TTLL1: variants seen among roughly 807,000 people sequenced by gnomAD.
TTLL1 encodes the protein TTL family tubulin polyglutamylase complex subunit L1.
A neutral mutation model predicts 47.8 loss-of-function variants in TTLL1; 33 were observed. That is an observed-to-expected ratio of 0.69 (90% CI 0.52 to 0.92). The LOEUF (loss-of-function observed/expected upper bound fraction) is 0.92. Ranked by LOEUF, TTLL1 falls within the 40% of genes least tolerant of loss-of-function variation. The pLI is 0.00. For missense variants in TTLL1, 488 were observed against 547.5 expected, an observed-to-expected ratio of 0.89 and a Z score of 1.08; for synonymous variants, 225 against 214.1, an observed-to-expected ratio of 1.05 and a Z score of -0.45.
chr22:43,064,335 C>A lies in TTLL1; in HGVS notation c.504-11G>T. 6.2e-7 allele frequency: 1 copy of A among 1,603,162 alleles called. No homozygotes were observed. The highest frequency in any genetic ancestry group is 8.5e-7 in the Non-Finnish European group (1 of 1,175,694). On this transcript the variant is annotated splice_polypyrimidine_tract_variant and intron_variant, in intron 5 of 10. Transcript: ENST00000266254. ...GATTGAGACACAAACCTAAACATGG[C>A]AGAGAAAGTAAAAATTAGATGGTAA...
chr22:43,077,683 T>C (rs1928598500), intron 2 of TTLL1, among the ~76,000 whole-genome samples: 1 of 152,158 alleles, frequency 6.6e-6, no homozygotes, highest in African/African-American at 2.4e-5. Context: ...GTTTTCAAAC[T>C]GCTCAGGCAG....
chr22:43,066,158 C>CAA (rs34092819), intron 5 of TTLL1, among the ~76,000 whole-genome samples: 10,753 of 93,094 alleles, frequency 0.12, 608 homozygotes, highest in African/African-American at 0.19. Context: ...GACACTGTCT[C>CAA]AAAAAAAAAA....
intron 8 of TTLL1, among the ~76,000 whole-genome samples, chr22:43,053,394 T>C (rs1926780379): frequency 6.6e-6 from 1 of 152,184 alleles, no homozygotes. Context: ...CGGAATTACA[T>C]TTAAACTAAA....
chr22:43,044,406 C>T (rs1232712632), intron 10 of TTLL1, among the ~76,000 whole-genome samples: 1 of 152,200 alleles, frequency 6.6e-6, no homozygotes, highest in South Asian at 2.1e-4. Context: ...CCACACATCA[C>T]CCACAGCAGG....
chr22:43,077,020 G>A (rs1359603500), intron 2 of TTLL1, among the ~76,000 whole-genome samples: 1 of 151,958 alleles, frequency 6.6e-6, no homozygotes, highest in African/African-American at 2.4e-5. Flanking sequence ...AGAATGGTGT[G>A]AACCCGGGAG....
chr22:43,053,484 C>A (rs1255985014), intron 8 of TTLL1, among the ~76,000 whole-genome samples: 1 of 152,216 alleles, frequency 6.6e-6, no homozygotes, highest in Admixed American at 6.6e-5. Context: ...ATTAGCCTGA[C>A]TGTCATTCTC....
intron 4 of TTLL1, among the ~76,000 whole-genome samples, chr22:43,069,304 A>G: frequency 6.8e-6 from 1 of 147,898 alleles, no homozygotes; most frequent in Non-Finnish European, 1.5e-5. Flanking sequence ...AGGCAGGAGA[A>G]TTGCTTGAAC....
chr22:43,069,656 T>G lies in TTLL1; in HGVS notation c.302A>C (p.Asn101Thr). The change falls in exon 4 of 11, where the codon AAT becomes ACT. Residue 101 changes from asparagine to threonine, a missense_variant. Coordinates refer to ENST00000266254, the MANE Select transcript of TTLL1 (RefSeq NM_012263.5). Reference sequence around the variant, plus strand: ...CAAACCCAGATAGAGGTATTTTCCATTTTCATCTTTTTCTGCCAGAGGACT... The same window carrying G: ...CAAACCCAGATAGAGGTATTTTCCAGTTTCATCTTTTTCTGCCAGAGGACT... ...EGSPLAEKDE[N>T]GKYLYLDFVP... 6.2e-7 allele frequency: 1 copy of G among 1,614,162 alleles called. No homozygotes were observed. Among genetic ancestry groups the G allele is most frequent in the Non-Finnish European group, 8.5e-7 (1 of 1,180,024 alleles).
At chr22:43,070,060 G>T in intron 3 of TTLL1, 1 of 1,190,976 alleles carries the variant, frequency 8.4e-7, no homozygotes, top group Non-Finnish European at 1.2e-6. Context: ...CAGGAGCTGT[G>T]CTGATTCTGA....
chr22:43,083,453 C>T (rs1265329832), intron 1 of TTLL1, among the ~76,000 whole-genome samples: 2 of 152,136 alleles, frequency 1.3e-5, no homozygotes, highest in Admixed American at 1.3e-4. Context: ...CATAGGCTGG[C>T]CAAGTGGCGT....
chr22:43,088,179 G>A (rs544410418), intron 1 of TTLL1, among the ~76,000 whole-genome samples: 1 of 151,974 alleles, frequency 6.6e-6, no homozygotes, highest in South Asian at 2.1e-4. Context: ...TAATAACAAT[G>A]TCAGTGATGA....
Position 43,068,615 on chromosome 22 carries a change from T to G in TTLL1, c.323-25A>C, listed in dbSNP as rs78339475. 1.7e-3 allele frequency: 2,357 copies of G among 1,426,742 alleles called. 9 individuals are homozygous for G. Among genetic ancestry groups the G allele is most frequent in the African/African-American group, 0.016 (1,098 of 70,558 alleles). 88.4% of individuals were successfully genotyped at this position (1,426,742 alleles called of 1,614,324 possible). A position where few individuals can be genotyped will look rare whatever the true frequency, so the allele number is the denominator to read the frequency against. ...TCTGCAAGGCAAAGACACCCAGCAC[T>G]GGTAAGCAGCCAGCCCAACAGTGGC... On this transcript the variant is annotated intron_variant, in intron 4 of 10. Coordinates refer to ENST00000266254, the MANE Select transcript of TTLL1 (RefSeq NM_012263.5).
At chr22:43,075,652 A>G in intron 2 of TTLL1, 62 bp from the exon 3 acceptor site, 1 of 1,448,470 alleles carries the variant, frequency 6.9e-7, no homozygotes, top group Non-Finnish European at 9.7e-7. Flanking sequence ...TTTAAACCCA[A>G]GGAATCCTCT....
At position 43,046,486 on chromosome 22, in the gene TTLL1, C is replaced by T. The variant is rs763369910; in HGVS notation, c.1066G>A (p.Val356Ile). 23 of 1,613,876 alleles carry T rather than the reference C, an allele frequency of 1.4e-5. No individual in the cohort carries two copies. The highest frequency in any genetic ancestry group is 1.7e-5 in the Admixed American group (1 of 59,944). ...CAGTCTGGGATTTCACCATTCGGGA[C>T]GGCGATGTTGAGGGTGTCATTAATC... ...NLINDTLNIA[V>I]PNGEIPDCKW... The change falls in exon 10 of 11, where the codon GTC becomes ATC. Residue 356 changes from valine (V) to isoleucine (I), a missense_variant. By Grantham distance (29) the Val-to-Ile change is conservative. Transcript: ENST00000266254.
intron 1 of TTLL1, among the ~76,000 whole-genome samples, chr22:43,086,637 A>G (rs1194358287): frequency 6.6e-6 from 1 of 152,174 alleles, no homozygotes; most frequent in African/African-American, 2.4e-5. Flanking sequence ...AAAGGGCTTC[A>G]ACAACACATC....
At chr22:43,058,094 C>A (rs1927144564) in intron 8 of TTLL1, among the ~76,000 whole-genome samples, 1 of 152,034 alleles carries the variant, frequency 6.6e-6, no homozygotes, top group Non-Finnish European at 1.5e-5. Flanking sequence ...CAGGCGCCCA[C>A]TACCACGCCC....
intron 5 of TTLL1, among the ~76,000 whole-genome samples, chr22:43,065,188 C>T (rs1208971558): frequency 6.6e-6 from 1 of 152,054 alleles, no homozygotes; most frequent in Admixed American, 6.6e-5. Context: ...TGTCACTATA[C>T]ATTTGTCTAA....
At chr22:43,048,690 C>T (rs1005832446) in intron 9 of TTLL1, among the ~76,000 whole-genome samples, 1 of 151,474 alleles carries the variant, frequency 6.6e-6, no homozygotes, top group Non-Finnish European at 1.5e-5. Context: ...GTAATCCCAG[C>T]ACTTTGGGAG....
intron 3 of TTLL1, chr22:43,070,072 C>T: frequency 8.2e-7 from 1 of 1,216,966 alleles, no homozygotes; most frequent in Non-Finnish European, 1.2e-6. Context: ...TGATTCTGAG[C>T]TGTTTCCCTC....
Sources: gnomAD v4.1 joint callset for allele counts (sites outside exome capture counted in the v4.1 genomes callset) on GRCh38, gnomAD v4.1.1 for gene constraint, MANE v1.5 for transcripts, NCBI Gene and HGNC (gene_info 2026-07-23, HGNC 2026-07-21) for gene names.